R3HDM2: variants seen among roughly 807,000 people sequenced by gnomAD.
R3HDM2 encodes the protein R3H domain containing 2, also known as R3H domain-containing protein 2.
R3HDM2 carries 38 observed loss-of-function variants against 124.5 expected under a neutral mutation model. The observed-to-expected ratio is 0.31, with a 90% confidence interval of 0.24 to 0.40. The LOEUF (loss-of-function observed/expected upper bound fraction) is 0.40, where lower values mean the gene tolerates loss of function less well. Among genes scored for constraint, R3HDM2 ranks in the 10% least tolerant of loss-of-function variants. The pLI is 1.00. For missense variants in R3HDM2, 869 were observed against 1,236.9 expected (o/e 0.70, Z 4.46); for synonymous variants, 391 against 448.0 (o/e 0.87, Z 1.61).
intron 2 of R3HDM2, among the ~76,000 whole-genome samples, chr12:57,325,832 T>C (rs2057237565): frequency 6.6e-6 from 1 of 151,688 alleles, no homozygotes; most frequent in African/African-American, 2.4e-5. Flanking sequence ...TGTGAGCCAC[T>C]GTGCCTGGTT....
rs117250607 is a variant in R3HDM2, at chr12:57,372,607, T to C, written c.-36+23142A>G. ...GAGAGCTAATAAACAATGGTACTATTTGGAAAGAGCAGTTATGATAGAGAA... is the reference window on the plus strand; with the variant it reads ...GAGAGCTAATAAACAATGGTACTATCTGGAAAGAGCAGTTATGATAGAGAA... On this transcript the variant is annotated intron_variant, in intron 2 of 23. Coordinates refer to ENST00000402412, the MANE Select transcript of R3HDM2 (RefSeq NM_001394031.1). Among the ~76,000 whole-genome samples, 564 of 152,336 alleles carry C rather than the reference T, an allele frequency of 3.7e-3. 1 individual carries two copies. The highest frequency in any genetic ancestry group is 4.0e-3 in the Admixed American group (61 of 15,298).
At chr12:57,363,228 G>A (rs2062160621) in intron 2 of R3HDM2, among the ~76,000 whole-genome samples, 1 of 151,812 alleles carries the variant, frequency 6.6e-6, no homozygotes, top group African/African-American at 2.4e-5. Context: ...ATCAGCTTTT[G>A]TTATGTTTTT....
intron 1 of R3HDM2, 74 bp downstream of exon 1, chr12:57,430,646 C>G (rs1229835533): frequency 2.1e-6 from 2 of 954,988 alleles, no homozygotes; most frequent in African/African-American, 3.5e-5. Context: ...CTCGCGCCCG[C>G]CCGTGCGGCC....
At chr12:57,384,813 A>AG (rs752427927) in intron 2 of R3HDM2, among the ~76,000 whole-genome samples, 3 of 152,202 alleles carry the variant, frequency 2.0e-5, no homozygotes, top group Non-Finnish European at 4.4e-5. Context: ...TAGAAAAAAA[A>AG]GAATAGAGGC....
intron 2 of R3HDM2, among the ~76,000 whole-genome samples, chr12:57,312,148 G>A (rs1192186504): frequency 1.3e-5 from 2 of 152,086 alleles, no homozygotes; most frequent in Non-Finnish European, 2.9e-5. Context: ...ACAGACAAAT[G>A]GATAGCAATG....
intron 20 of R3HDM2, 127 bp downstream of exon 20, chr12:57,258,763 G>GTT: frequency 1.1e-6 from 1 of 892,724 alleles, no homozygotes; most frequent in Non-Finnish European, 1.6e-6. Flanking sequence ...TCTACTTCCT[G>GTT]TGTTTCTCCC....
chr12:57,337,557 G>A (rs2059016830), intron 2 of R3HDM2, among the ~76,000 whole-genome samples: 1 of 152,152 alleles, frequency 6.6e-6, no homozygotes, highest in South Asian at 2.1e-4. Context: ...TCACTGCAAA[G>A]AAAGTCACTA....
chr12:57,424,895 C>T (rs532454292), intron 1 of R3HDM2, among the ~76,000 whole-genome samples: 1 of 152,024 alleles, frequency 6.6e-6, no homozygotes, highest in Non-Finnish European at 1.5e-5. Context: ...TAACGGTGCA[C>T]GTAAAACAAA....
intron 1 of R3HDM2, among the ~76,000 whole-genome samples, chr12:57,402,287 T>TC (rs2068111255): frequency 6.7e-6 from 1 of 148,232 alleles, no homozygotes; most frequent in Non-Finnish European, 1.5e-5. Flanking sequence ...AGAGCAAGAC[T>TC]CCATCTCAAA....
chr12:57,396,857 C>T (rs571774885), intron 1 of R3HDM2, among the ~76,000 whole-genome samples: 11 of 151,658 alleles, frequency 7.3e-5, no homozygotes, highest in Non-Finnish European at 1.5e-4. Context: ...TTTGGGAGGC[C>T]AAAGCAGGTG....
intron 20 of R3HDM2, 42 bp downstream of exon 20, chr12:57,258,848 C>T (rs370872184): frequency 8.3e-6 from 12 of 1,443,796 alleles, no homozygotes; most frequent in Middle Eastern, 5.2e-4. Flanking sequence ...GGGAAGAATA[C>T]GGTCATCTCC....
intron 4 of R3HDM2, among the ~76,000 whole-genome samples, chr12:57,301,543 T>A (rs575809306): frequency 1.3e-5 from 2 of 152,340 alleles, no homozygotes; most frequent in East Asian, 3.9e-4. Flanking sequence ...AGTTTCCTCA[T>A]CTGTAAGATG....
intron 2 of R3HDM2, among the ~76,000 whole-genome samples, chr12:57,369,809 T>C (rs990980387): frequency 2.0e-5 from 3 of 152,042 alleles, no homozygotes; most frequent in African/African-American, 7.2e-5. Context: ...AAAATATATA[T>C]ATGAAATTTA....
chr12:57,396,751 C>T (rs1389904254), intron 1 of R3HDM2, among the ~76,000 whole-genome samples: 1 of 137,538 alleles, frequency 7.3e-6, no homozygotes, highest in African/African-American at 2.8e-5. Context: ...GCACTCCAGG[C>T]TGGGTGACAG....
At chr12:57,373,500 CA>C (rs925125868) in intron 2 of R3HDM2, among the ~76,000 whole-genome samples, 2 of 146,976 alleles carry the variant, frequency 1.4e-5, no homozygotes, top group African/African-American at 2.5e-5. Context: ...CTCCGTCTCA[CA>C]AAAAAAAATG....
intron 10 of R3HDM2, among the ~76,000 whole-genome samples, chr12:57,294,501 C>G (rs2049308589): frequency 6.6e-6 from 1 of 152,104 alleles, no homozygotes; most frequent in South Asian, 2.1e-4. Context: ...CTCAAATACT[C>G]AAGCAGCAAG....
chr12:57,278,959 C>T (rs1273253058), intron 14 of R3HDM2, among the ~76,000 whole-genome samples: 1 of 152,012 alleles, frequency 6.6e-6, no homozygotes, highest in Non-Finnish European at 1.5e-5. Context: ...AGAAATATAT[C>T]TAAGGCCAAG....
chr12:57,397,826 G>C (rs904891329), intron 1 of R3HDM2, among the ~76,000 whole-genome samples: 1 of 152,182 alleles, frequency 6.6e-6, no homozygotes, highest in Middle Eastern at 3.2e-3. Flanking sequence ...TTCTGATTAA[G>C]AGAATCAAGA....
intron 2 of R3HDM2, among the ~76,000 whole-genome samples, chr12:57,390,215 A>G (rs1286815696): frequency 6.6e-6 from 1 of 152,110 alleles, no homozygotes; most frequent in South Asian, 2.1e-4. Flanking sequence ...AAATATATGA[A>G]ACAATAGTTT....
Sources: gnomAD v4.1 joint callset for allele counts (sites outside exome capture counted in the v4.1 genomes callset) on GRCh38, gnomAD v4.1.1 for gene constraint, MANE v1.5 for transcripts, NCBI Gene and HGNC (gene_info 2026-07-23, HGNC 2026-07-21) for gene names.